WDR59: variants seen among roughly 807,000 people sequenced by gnomAD.
WDR59 encodes the protein GATOR2 complex protein WDR59.
Under a neutral mutation model 131.2 loss-of-function variants are expected in WDR59, and 100 were observed. The observed-to-expected ratio is 0.76, with a 90% confidence interval of 0.65 to 0.90. The LOEUF is 0.90. Ranked by LOEUF, WDR59 falls within the 40% of genes least tolerant of loss-of-function variation. WDR59 has a pLI of 0.00. For synonymous variants in WDR59, 601 were observed against 466.2 expected, an observed-to-expected ratio of 1.29 and a Z score of -3.72; for missense variants, 1,203 against 1,262.2, an observed-to-expected ratio of 0.95 and a Z score of 0.71.
chr16:74,887,564 T>C (rs919930967), intron 23 of WDR59, 119 bp downstream of exon 23: 5 of 965,760 alleles, frequency 5.2e-6, no homozygotes, highest in Non-Finnish European at 7.7e-6. Flanking sequence ...TCACAGTAAA[T>C]GTAAAGAGAA....
At chr16:74,983,533 T>A (rs1248017260) in intron 1 of WDR59, among the ~76,000 whole-genome samples, 1 of 152,012 alleles carries the variant, frequency 6.6e-6, no homozygotes, top group Non-Finnish European at 1.5e-5. Context: ...TCCTAGGTGC[T>A]GGGGAAGAGG....
intron 1 of WDR59, among the ~76,000 whole-genome samples, chr16:74,975,028 C>G (rs1188973312): frequency 1.3e-5 from 2 of 152,154 alleles, no homozygotes; most frequent in African/African-American, 4.8e-5. Flanking sequence ...GCCTGGGGAA[C>G]CCCCAACACA....
At chr16:74,937,455 T>A (rs2145076285) in intron 8 of WDR59, among the ~76,000 whole-genome samples, 1 of 152,332 alleles carries the variant, frequency 6.6e-6, no homozygotes, top group Non-Finnish European at 1.5e-5. Flanking sequence ...CTCCTTTACT[T>A]ATATCTGTCA....
At chr16:74,917,652 T>C (rs964805813) in intron 11 of WDR59, among the ~76,000 whole-genome samples, 15 of 151,560 alleles carry the variant, frequency 9.9e-5, no homozygotes, top group Non-Finnish European at 4.4e-5. Flanking sequence ...CTACTAAAAA[T>C]ACAAAAATTA....
chr16:74,916,596 T>G (rs530073905), intron 11 of WDR59, among the ~76,000 whole-genome samples: 1 of 152,252 alleles, frequency 6.6e-6, no homozygotes, highest in East Asian at 1.9e-4. Context: ...TAGTGGCTCA[T>G]GCCTGTAATC....
rs1964047232 is a variant in WDR59 at position 74,873,247 on chromosome 16, T to C, written c.*962A>G. 1 of 152,284 alleles carries C rather than the reference T, an allele frequency of 6.6e-6. No homozygotes were observed. The highest frequency in any genetic ancestry group is 2.1e-4 in the South Asian group (1 of 4,822). The allele number at this position is 152,284 out of a possible 1,614,324, so 9.4% of individuals were successfully genotyped here. A position where few individuals can be genotyped will look rare whatever the true frequency, so the allele number is the denominator to read the frequency against. On this transcript the variant is annotated 3_prime_UTR_variant, in exon 26 of 26. Coordinates refer to ENST00000262144, the MANE Select transcript of WDR59 (RefSeq NM_030581.4). ...TTTTTGCAGAGATGGGATCTCCTTA[T>C]GTTGCCCAGGCTGGTCTCGAACTCC... is the stretch of plus-strand genomic sequence containing the variant.
intron 17 of WDR59, among the ~76,000 whole-genome samples, chr16:74,906,263 G>A (rs60281698): frequency 0.38 from 49,732 of 131,782 alleles, 8,832 homozygotes; most frequent in Middle Eastern, 0.47. Flanking sequence ...GCAGTGAGCT[G>A]AGATCCAGTC....
chr16:74,888,292 A>G lies in WDR59; in HGVS notation c.2223T>C (p.Asp741=). Reference sequence around the variant, plus strand: ...TACAGAGCATCGCCAGTGTCTGAACATCCCGGAGCCGGCAATAGTGAGCCA... The same window carrying G: ...TACAGAGCATCGCCAGTGTCTGAACGTCCCGGAGCCGGCAATAGTGAGCCA... The part of the protein sequence containing the change: ...SLLAHYCRLR[D]VQTLAMLCSV... Residue 741 remains aspartate, a synonymous_variant, in exon 22 of 26, where the codon GAT becomes GAC. Transcript: ENST00000262144. The G allele has an allele frequency of 1.2e-6, 2 of 1,613,802 alleles. No homozygotes were observed. Among genetic ancestry groups the G allele is most frequent in the South Asian group, 1.1e-5 (1 of 91,028 alleles).
chr16:74,924,059 TGA>T (rs1290451468), intron 8 of WDR59, 56 bp from the exon 9 acceptor site: 25 of 1,543,346 alleles, frequency 1.6e-5, no homozygotes, highest in Middle Eastern at 1.7e-4. Context: ...AAAATTCTAC[TGA>T]AATAAGCACA....
chr16:74,894,268 G>A (rs997733859), intron 18 of WDR59, among the ~76,000 whole-genome samples: 1 of 152,182 alleles, frequency 6.6e-6, no homozygotes, highest in Non-Finnish European at 1.5e-5. Context: ...TGTGGGCTCT[G>A]CAAACCTTAA....
Position 74,956,622 on chromosome 16 carries a change from C to A in WDR59, c.105-12G>T, listed in dbSNP as rs571316622. The A allele has an allele frequency of 6.2e-7, 1 of 1,613,510 alleles. No homozygotes were observed. The highest frequency in any genetic ancestry group is 1.1e-5 in the South Asian group (1 of 90,924). ...ATAAGAATCTGCGGCTAGAGACCAA[C>A]ATCAACATTATAATAGTATAAAAAC... On this transcript the variant is annotated splice_polypyrimidine_tract_variant and intron_variant, in intron 2 of 25. Coordinates refer to ENST00000262144, the MANE Select transcript of WDR59 (RefSeq NM_030581.4).
At chr16:74,948,872 C>T (rs2032814965) in intron 5 of WDR59, among the ~76,000 whole-genome samples, 1 of 152,110 alleles carries the variant, frequency 6.6e-6, no homozygotes. Context: ...GTGGCAGGCA[C>T]CTAAAATCCC....
Position 74,938,167 on chromosome 16 carries a change from G to T in WDR59, c.634C>A (p.Gln212Lys). 6.4e-7 allele frequency: 1 copy of T among 1,569,008 alleles called. No homozygotes were observed. The highest frequency in any genetic ancestry group is 1.2e-5 in the South Asian group (1 of 84,130). Reference protein sequence around the residue: ...DSEHILATSSQDNSVKFWDYR... With the variant: ...DSEHILATSSKDNSVKFWDYR... ...CCACTGACCTTCACAGAATTGTCTT[G>T]ACTGGAGGTAGCAAGAATGTGCTCG... The change falls in exon 8 of 26, where the codon CAA becomes AAA. Residue 212 changes from glutamine to lysine, a missense_variant. Physicochemically the swap from Gln to Lys is moderately conservative, Grantham distance 53. Coordinates refer to ENST00000262144, the MANE Select transcript of WDR59 (RefSeq NM_030581.4).
At chr16:74,925,450 A>G (rs2030687310) in intron 8 of WDR59, among the ~76,000 whole-genome samples, 1 of 151,874 alleles carries the variant, frequency 6.6e-6, no homozygotes, top group Admixed American at 6.6e-5. Context: ...AGGCTGAGGC[A>G]CAAGAATTGC....
intron 11 of WDR59, among the ~76,000 whole-genome samples, chr16:74,917,323 A>T (rs1012934187): frequency 6.6e-6 from 1 of 152,214 alleles, no homozygotes; most frequent in African/African-American, 2.4e-5. Context: ...GCCCATTTAG[A>T]AGAGAAAGAA....
At chr16:74,949,125 G>C (rs749193160) in intron 5 of WDR59, among the ~76,000 whole-genome samples, 4 of 152,082 alleles carry the variant, frequency 2.6e-5, no homozygotes, top group Middle Eastern at 3.4e-3. Flanking sequence ...TTTGAGATCA[G>C]CCTGACAACA....
chr16:74,895,114 G>T (rs1298727710), intron 18 of WDR59, among the ~76,000 whole-genome samples: 1 of 152,184 alleles, frequency 6.6e-6, no homozygotes, highest in African/African-American at 2.4e-5. Context: ...GGGTTATCAT[G>T]TGTCTTGGAA....
In WDR59 at chr16:74,925,749, GCTCGTACAGTGGCTCATGC is replaced by G. The variant is rs543002451; in HGVS notation, c.652-1765_652-1747del. Among the ~76,000 whole-genome samples the G allele has an allele frequency of 8.5e-3, 1,285 of 152,014 alleles. 10 individuals carry two copies. Among genetic ancestry groups the G allele is most frequent in the Middle Eastern group, 0.027 (8 of 294 alleles). ...ATGTTATATTTCACAGGTTTTCAAT[GCTCGTACAGTGGCTCATGC>G]CTATAATCTCAGTGCTTTGGGAGGC... On this transcript the variant is annotated intron_variant, in intron 8 of 25. Transcript: ENST00000262144.
At chr16:74,887,895 A>C (rs1238163875) in intron 22 of WDR59, 140 bp from the exon 23 acceptor site, 1 of 930,320 alleles carries the variant, frequency 1.1e-6, no homozygotes, top group Non-Finnish European at 1.6e-6. Flanking sequence ...AGGAAGGTGG[A>C]ACACCTGAGG....
Sources: gnomAD v4.1 joint callset for allele counts (sites outside exome capture counted in the v4.1 genomes callset) on GRCh38, gnomAD v4.1.1 for gene constraint, MANE v1.5 for transcripts, NCBI Gene and HGNC (gene_info 2026-07-23, HGNC 2026-07-21) for gene names.